The following IL17RC variants were observed in gnomAD, a reference collection of about 807,000 sequenced individuals.
IL17RC encodes the protein interleukin 17 receptor C.
A neutral mutation model predicts 86.7 loss-of-function variants in IL17RC; 53 were observed. The ratio of observed to expected loss-of-function variants is 0.61; its 90% CI spans 0.49 to 0.77. The LOEUF (loss-of-function observed/expected upper bound fraction) is 0.77, where lower values mean the gene tolerates loss of function less well. Among genes scored for constraint, IL17RC ranks in the 30% least tolerant of loss-of-function variants. The pLI, the probability that IL17RC is intolerant of heterozygous loss-of-function variation, is 0.00. For missense variants in IL17RC, 957 were observed against 940.0 expected, an observed-to-expected ratio of 1.02 and a Z score of -0.24; for synonymous variants, 439 against 413.1, an observed-to-expected ratio of 1.06 and a Z score of -0.76.
Position 9,917,273 on chromosome 3 carries a change from C to T in IL17RC, c.-43C>T, listed in dbSNP as rs1274504130. On this transcript the variant is annotated 5_prime_UTR_variant, in exon 1 of 19. Coordinates refer to ENST00000403601, the MANE Select transcript of IL17RC (RefSeq NM_153460.4). ...GGTGTCTGCCCCCCTTGGGGGGGGG[C>T]AGCACAGGGCCTCAGGCCTGGGTGC... 11 of 1,420,680 alleles carry T rather than the reference C, an allele frequency of 7.7e-6. No individual in the cohort carries two copies. Among genetic ancestry groups the T allele is most frequent in the Non-Finnish European group, 9.7e-6 (10 of 1,034,442 alleles). 88.0% of individuals were successfully genotyped at this position (1,420,680 alleles called of 1,614,324 possible). A position where few individuals can be genotyped will look rare whatever the true frequency, so the allele number is the denominator to read the frequency against.
Position 9,923,978 on chromosome 3 carries a change from T to C in IL17RC, c.720T>C (p.Asn240=), listed in dbSNP as rs376227482. Residue 240 remains asparagine, a synonymous_variant, in exon 8 of 19, where the codon AAT becomes AAC. Coordinates refer to ENST00000403601, the MANE Select transcript of IL17RC (RefSeq NM_153460.4). ...ACTTCGGCCTCTCCCTGTACTGGAA[T>C]CAGGTCCAGGGCCCCCCAAAACCCC... ...EQHFGLSLYW[N]QVQGPPKPRW... is the part of the protein sequence containing the mutation. The C allele has an allele frequency of 3.1e-6, 5 of 1,614,146 alleles. No homozygotes were observed. Among genetic ancestry groups the C allele is most frequent in the African/African-American group, 1.3e-5 (1 of 75,052 alleles).
chr3:9,920,899 G>A, intron 6 of IL17RC, 26 bp from the exon 7 acceptor site: 12 of 1,603,184 alleles, frequency 7.5e-6, no homozygotes, highest in South Asian at 1.1e-5. Flanking sequence ...AGCCCCACTG[G>A]AGGCTCTTCT....
rs1205369392 is a variant in IL17RC, at chr3:9,918,068, C to A, written c.273C>A (p.Ala91=). The change falls in exon 3 of 19, where the codon GCC becomes GCA. Residue 91 remains alanine, a synonymous_variant. Transcript: ENST00000403601. ...DLCLRVAVHL[A]VHGHWEEPED... is the part of the protein sequence containing the mutation. ...GTCTGCGTGTGGCTGTCCACTTGGC[C>A]GTGCATGGTGAGCAAGTCATCCTGT... is the stretch of plus-strand genomic sequence containing the variant. 18 of 1,577,704 alleles carry A rather than the reference C, an allele frequency of 1.1e-5. No homozygotes were observed. The highest frequency in any genetic ancestry group is 1.7e-4 in the Middle Eastern group (1 of 6,024).
rs764646516 is a variant in IL17RC, at chr3:9,924,239, C to T, written c.770C>T (p.Pro257Leu). Residue 257 changes from proline to leucine, a missense_variant, in exon 9 of 19, where the codon CCG becomes CTG. Pro to Leu is a moderately conservative substitution (Grantham distance 98). Coordinates refer to ENST00000403601, the MANE Select transcript of IL17RC (RefSeq NM_153460.4). The part of the protein sequence containing the change: ...KPRWHKNLTG[P>L]QIITLNHTDL... ...CCTTTATTTGTTCCACAGACTGGACCGCAGATCATTACCTTGAACCACACA... is the reference window on the plus strand; with the variant it reads ...CCTTTATTTGTTCCACAGACTGGACTGCAGATCATTACCTTGAACCACACA... 41 of 1,613,918 alleles carry T rather than the reference C, an allele frequency of 2.5e-5. No individual in the cohort carries two copies. Among genetic ancestry groups the T allele is most frequent in the South Asian group, 7.7e-5 (7 of 91,064 alleles).
In IL17RC at chr3:9,928,344, TGCAACTG is replaced by T; in HGVS notation, c.918_924del (p.Gln307Ter). ...CAGAACCTCTGGCAAGCCGCCCGAC[TGCAACTG>T]CTGACCCTGCAGAGCTGGCTGCTGG... On this transcript the variant is annotated frameshift_variant, in exon 11 of 19. Transcript: ENST00000403601. LOFTEE classifies it high-confidence loss of function. The T allele has an allele frequency of 6.2e-7, 1 of 1,605,004 alleles. No individual in the cohort carries two copies. Among genetic ancestry groups the T allele is most frequent in the South Asian group, 1.1e-5 (1 of 90,548 alleles).
In IL17RC at chr3:9,920,479, C is replaced by T. The variant is rs1388174967; in HGVS notation, c.466-12C>T. On this transcript the variant is annotated splice_polypyrimidine_tract_variant and intron_variant, in intron 5 of 18. Transcript: ENST00000403601. The stretch of plus-strand genomic sequence containing the variant: ...CCTGCACCGCCAGCCTTCCTCACCC[C>T]TCTCCTCACAGGGCTCTGTGGTATA... The T allele has an allele frequency of 1.3e-6, 2 of 1,559,824 alleles. No individual in the cohort carries two copies. Among genetic ancestry groups the T allele is most frequent in the African/African-American group, 1.4e-5 (1 of 73,756 alleles).
At chr3:9,928,103 C>T (rs1303214130) in intron 9 of IL17RC, 63 bp from the exon 10 acceptor site, 2 of 1,504,452 alleles carry the variant, frequency 1.3e-6, no homozygotes, top group Admixed American at 3.4e-5. Context: ...TCCCCACTGT[C>T]CAGCAGAGGG....
intron 7 of IL17RC, among the ~76,000 whole-genome samples, chr3:9,921,791 AT>A (rs1212669570): frequency 3.5e-3 from 476 of 136,962 alleles, no homozygotes; most frequent in Admixed American, 3.2e-3. Flanking sequence ...CGCCTGGCTA[AT>A]TTTTTTTTTT....
rs2083447118 is a variant in IL17RC at position 9,920,462 on chromosome 3, G to GCCA, written c.466-28_466-26dup. ...TGGCCTGGATTCTGAGCCCTGCACC[G>GCCA]CCAGCCTTCCTCACCCCTCTCCTCA... On this transcript the variant is annotated intron_variant, in intron 5 of 18. Transcript: ENST00000403601. 3 of 1,445,950 alleles carry GCCA rather than the reference G, an allele frequency of 2.1e-6. No homozygotes were observed. In the East Asian group the frequency reaches 7.3e-5, roughly 35 times the overall value. 89.6% of individuals were successfully genotyped at this position (1,445,950 alleles called of 1,614,324 possible).
chr3:9,918,018 C>T lies in IL17RC; in HGVS notation c.223C>T (p.Gln75Ter). ...GCAGACAGAGCTGGTGCTGAGGTGC[C>T]AGAAGGAGACCGACTGTGACCTCTG... ...HLQTELVLRCQKETDCDLCLR... is the reference protein window; with the variant it reads ...HLQTELVLRC Residue 75 changes from glutamine to a stop codon, truncating the protein, a stop_gained, in exon 3 of 19, where the codon CAG becomes TAG. Transcript: ENST00000403601. LOFTEE classifies it high-confidence loss of function. 6.2e-7 allele frequency: 1 copy of T among 1,612,750 alleles called. No individual in the cohort carries two copies. Among genetic ancestry groups the T allele is most frequent in the Non-Finnish European group, 8.5e-7 (1 of 1,179,366 alleles).
In IL17RC at chr3:9,918,328, C is replaced by T. The variant is rs565898634; in HGVS notation, c.281-7C>T. ...TCACCCAGGGCCTTGCTCTTGGGTCCTTCTAGGGCACTGGGAAGAGCCTGA... is the reference window on the plus strand; with the variant it reads ...TCACCCAGGGCCTTGCTCTTGGGTCTTTCTAGGGCACTGGGAAGAGCCTGA... On this transcript the variant is annotated splice_region_variant and splice_polypyrimidine_tract_variant and intron_variant, in intron 3 of 18. Transcript: ENST00000403601. 1.7e-4 allele frequency: 264 copies of T among 1,578,706 alleles called. No homozygotes were observed. Among genetic ancestry groups the T allele is most frequent in the Non-Finnish European group, 1.5e-4 (178 of 1,162,780 alleles).
At chr3:9,929,573 A>C (rs896280222) in intron 12 of IL17RC, 4 of 471,308 alleles carry the variant, frequency 8.5e-6, no homozygotes, top group Non-Finnish European at 1.5e-5. Flanking sequence ...TGAGAAAGGA[A>C]TCTCTTTGAG....
chr3:9,924,942 C>G (rs1267765594), intron 9 of IL17RC, among the ~76,000 whole-genome samples: 2 of 152,038 alleles, frequency 1.3e-5, no homozygotes, highest in African/African-American at 4.8e-5. Context: ...GCTGGAACTA[C>G]TGGTGAGCAC....
In IL17RC at chr3:9,917,411, C is replaced by T. The variant is rs779864708; in HGVS notation, c.96C>T (p.His32=). 1.9e-5 allele frequency: 31 copies of T among 1,614,114 alleles called. No individual in the cohort carries two copies. Among genetic ancestry groups the T allele is most frequent in the African/African-American group, 2.7e-5 (2 of 74,960 alleles). ...ERLVGPQDAT[H]CSPGLSCRLW... ...TTGTGGGGCCTCAGGACGCTACCCA[C>T]TGCTCTCCGGTGAGTCTGGAACCCT... Residue 32 remains histidine (H), a synonymous_variant, in exon 1 of 19, where the codon CAC becomes CAT. Transcript: ENST00000403601.
chr3:9,924,920 G>C (rs545693395), intron 9 of IL17RC, among the ~76,000 whole-genome samples: 2 of 152,068 alleles, frequency 1.3e-5, no homozygotes, highest in South Asian at 2.1e-4. Context: ...TCCTGTCTCA[G>C]CCTCCCAAGT....
chr3:9,925,928 C>T (rs1005812579), intron 9 of IL17RC, among the ~76,000 whole-genome samples: 17 of 150,916 alleles, frequency 1.1e-4, no homozygotes, highest in African/African-American at 3.9e-4. Context: ...GGCATGAACA[C>T]GTCTCATTGC....
intron 6 of IL17RC, 87 bp from the exon 7 acceptor site, chr3:9,920,838 C>T (rs2125153246): frequency 1.1e-5 from 11 of 1,042,126 alleles, no homozygotes; most frequent in African/African-American, 7.9e-5. Flanking sequence ...GGGAGCCATT[C>T]CTAATGCCCC....
Position 9,930,160 on chromosome 3 carries a change from G to A in IL17RC, c.1278+11G>A. On this transcript the variant is annotated intron_variant, in intron 14 of 18. Coordinates refer to ENST00000403601, the MANE Select transcript of IL17RC (RefSeq NM_153460.4). This position sits in a 1 kb window ranked among gnomAD's most constrained non-coding sequence, Gnocchi z 5.8. ...AGCAAAGCCTCCACGGTTAGGACTG[G>A]GCGACCCTCCTCCACAGATCTCTCC... is the stretch of plus-strand genomic sequence containing the variant. The A allele has an allele frequency of 1.2e-6, 2 of 1,613,756 alleles. No homozygotes were observed. Among genetic ancestry groups the A allele is most frequent in the Non-Finnish European group, 1.7e-6 (2 of 1,179,892 alleles).
chr3:9,932,945 T>C lies in IL17RC; in HGVS notation c.1523-8T>C. The C allele has an allele frequency of 6.2e-7, 1 of 1,608,882 alleles. No individual in the cohort carries two copies. Among genetic ancestry groups the C allele is most frequent in the Non-Finnish European group, 8.5e-7 (1 of 1,178,596 alleles). ...ACCTCTTCCCTCCCCATCTGTTTTC[T>C]CCGGCAGCGGCCGCCAGGGGCCGCG... On this transcript the variant is annotated splice_polypyrimidine_tract_variant and splice_region_variant and intron_variant, in intron 18 of 18. Coordinates refer to ENST00000403601, the MANE Select transcript of IL17RC (RefSeq NM_153460.4).
Sources: gnomAD v4.1 joint callset for allele counts (sites outside exome capture counted in the v4.1 genomes callset) on GRCh38, gnomAD v4.1.1 for gene constraint, Gnocchi (gnomAD v3.1) non-coding constraint, MANE v1.5 for transcripts, NCBI Gene and HGNC (gene_info 2026-07-23, HGNC 2026-07-21) for gene names.